Variants in CSMD1 observed in about 807,000 individuals in gnomAD.
CSMD1 encodes CUB and sushi domain-containing protein 1.
A neutral mutation model predicts 417.5 loss-of-function variants in CSMD1; 213 were observed. That is an observed-to-expected ratio of 0.51 (90% CI 0.46 to 0.57). CSMD1 has a LOEUF of 0.57. CSMD1 is among the 20% of genes least tolerant of loss of function. The pLI, the probability that CSMD1 is intolerant of heterozygous loss-of-function variation, is 0.00. For synonymous variants in CSMD1, 2,862 were observed against 1,736.8 expected (o/e 1.65, Z -16.11); for missense variants, 6,923 against 4,529.7 (o/e 1.53, Z -15.17).
chr8:3,345,999 T>C (rs1046584001), intron 22 of CSMD1, among the ~76,000 whole-genome samples: 7 of 152,188 alleles, frequency 4.6e-5, no homozygotes, highest in Admixed American at 2.6e-4. Context: ...GGTGCGTGTA[T>C]ATAAAATTTT....
chr8:3,692,558 C>T (rs185555205), intron 7 of CSMD1, among the ~76,000 whole-genome samples: 16 of 152,236 alleles, frequency 1.1e-4, no homozygotes, highest in African/African-American at 3.9e-4. Context: ...CCTCAGCCTC[C>T]CGAGCATCTG....
intron 2 of CSMD1, among the ~76,000 whole-genome samples, chr8:4,463,024 A>G (rs1233044525): frequency 2.6e-5 from 4 of 152,230 alleles, no homozygotes; most frequent in Non-Finnish European, 4.4e-5. Flanking sequence ...TAGAATAGGG[A>G]AAGTTTGCAA....
At chr8:3,212,727 G>A (rs1797685423) in intron 30 of CSMD1, among the ~76,000 whole-genome samples, 1 of 152,048 alleles carries the variant, frequency 6.6e-6, no homozygotes, top group South Asian at 2.1e-4. Flanking sequence ...AAGGTTTCAG[G>A]ATCATAAGAG....
At chr8:3,376,391 C>A (rs577713382) in intron 18 of CSMD1, among the ~76,000 whole-genome samples, 58 of 152,052 alleles carry the variant, frequency 3.8e-4, no homozygotes, top group African/African-American at 1.3e-3. Flanking sequence ...CATGGTGACA[C>A]AGACTTGTTT....
At chr8:3,900,482 G>C (rs372261248) in intron 5 of CSMD1, among the ~76,000 whole-genome samples, 1 of 151,586 alleles carries the variant, frequency 6.6e-6, no homozygotes, top group East Asian at 1.9e-4. Flanking sequence ...ACTGTACCTG[G>C]TTGACAGTGT....
At position 2,938,480 on chromosome 8, in the gene CSMD1, G is replaced by T; in HGVS notation, c.*105C>A. On this transcript the variant is annotated 3_prime_UTR_variant, in exon 70 of 70. Coordinates refer to ENST00000635120, the MANE Select transcript of CSMD1 (RefSeq NM_033225.6). ...CCAGTAGACAAGGTTGAAGATCGCT[G>T]CAGTAAAGCCAGAGTGGAAGGGAGA... 1 of 1,109,444 alleles carries T rather than the reference G, an allele frequency of 9.0e-7. No homozygotes were observed. Among genetic ancestry groups the T allele is most frequent in the African/African-American group, 1.6e-5 (1 of 63,608 alleles). The allele number at this position is 1,109,444 out of a possible 1,614,324, so 68.7% of individuals were successfully genotyped here.
chr8:4,251,390 C>G (rs771600841), intron 3 of CSMD1, among the ~76,000 whole-genome samples: 2 of 152,106 alleles, frequency 1.3e-5, no homozygotes, highest in Admixed American at 6.6e-5. Context: ...CTTTGATGTC[C>G]TCCTATAAAG....
rs374407589 is a variant in CSMD1 at position 3,896,097 on chromosome 8, C to T, written c.818+101806G>A. Among the ~76,000 whole-genome samples, 13 of 152,296 alleles carry T rather than the reference C, an allele frequency of 8.5e-5. No homozygotes were observed. In the South Asian group the frequency reaches 1.7e-3, roughly 19 times the overall value. ...TTTCCATTTACACCTCTGATGGTAA[C>T]TTCCTGATGGGCCCATTCTTGGGGC... is the stretch of plus-strand genomic sequence containing the variant. On this transcript the variant is annotated intron_variant, in intron 5 of 69. Transcript: ENST00000635120.
intron 3 of CSMD1, among the ~76,000 whole-genome samples, chr8:4,283,048 TG>T (rs1356585737): frequency 2.0e-5 from 3 of 152,202 alleles, no homozygotes; most frequent in Non-Finnish European, 4.4e-5. Context: ...AAAAAATGCC[TG>T]ATAGTTAGAA....
In CSMD1 at chr8:4,018,187, T is replaced by G. The variant is rs185082629; in HGVS notation, c.610+13718A>C. Among the ~76,000 whole-genome samples the G allele has an allele frequency of 4.4e-3, 664 of 152,334 alleles. 9 individuals carry two copies. Among genetic ancestry groups the G allele is most frequent in the African/African-American group, 0.015 (641 of 41,566 alleles). ...TTTATAAAAAATAAATACACATCTTTTACATAATTTAAAAATATTTTCCAG... is the reference window on the plus strand; with the variant it reads ...TTTATAAAAAATAAATACACATCTTGTACATAATTTAAAAATATTTTCCAG... On this transcript the variant is annotated intron_variant, in intron 4 of 69. Coordinates refer to ENST00000635120, the MANE Select transcript of CSMD1 (RefSeq NM_033225.6).
chr8:4,785,039 T>A (rs1362606288), intron 1 of CSMD1, among the ~76,000 whole-genome samples: 1 of 152,194 alleles, frequency 6.6e-6, no homozygotes, highest in Non-Finnish European at 1.5e-5. Flanking sequence ...GGCACTGAAT[T>A]ATTAGAAGTG....
In CSMD1 at chr8:4,233,989, G is replaced by C. The variant is rs1801894615; in HGVS notation, c.415+185964C>G. Among the ~76,000 whole-genome samples, 3 of 152,060 alleles carry C rather than the reference G, an allele frequency of 2.0e-5. No homozygotes were observed. The South Asian group carries it at 6.2e-4, about 31-fold the overall frequency. On this transcript the variant is annotated intron_variant, in intron 3 of 69. Transcript: ENST00000635120. ...AAAACGGCGGGGGGTGGGGGAACAT[G>C]TGATCCCTTCTGCCTGAGAGGTTCT... is the stretch of plus-strand genomic sequence containing the variant.
At position 4,691,648 on chromosome 8, in the gene CSMD1, G is replaced by A. The variant is rs182449445; in HGVS notation, c.86-54090C>T. ...CACTCCATCTATGCCTGTCATGTCT[G>A]CCTTGATGGAGTGAAAGGAACATCT... On this transcript the variant is annotated intron_variant, in intron 1 of 69. Coordinates refer to ENST00000635120, the MANE Select transcript of CSMD1 (RefSeq NM_033225.6). Among the ~76,000 whole-genome samples, 861 of 152,270 alleles carry A rather than the reference G, an allele frequency of 5.7e-3. 6 individuals are homozygous for A. The highest frequency in any genetic ancestry group is 0.027 in the Middle Eastern group (8 of 294).
intron 10 of CSMD1, among the ~76,000 whole-genome samples, chr8:3,511,805 AAC>A (rs1797083113): frequency 6.9e-6 from 1 of 145,366 alleles, no homozygotes; most frequent in Non-Finnish European, 1.5e-5. Context: ...AACATAACAT[AAC>A]ATAACATAAC....
rs146778543 is a variant in CSMD1 at position 3,043,101 on chromosome 8, T to A, written c.7660+9361A>T. 5.8e-3 allele frequency among the ~76,000 whole-genome samples: 836 copies of A among 144,788 alleles called. 5 individuals are homozygous for A. The highest frequency in any genetic ancestry group is 0.022 in the African/African-American group (791 of 35,352). The allele number at this position is 144,788 out of a possible 152,430, so 95.0% of individuals were successfully genotyped here. On this transcript the variant is annotated intron_variant, in intron 50 of 69. Coordinates refer to ENST00000635120, the MANE Select transcript of CSMD1 (RefSeq NM_033225.6). ...TATAGTACATGTAAACCTACAGTAC[T>A]AGGTCACTATGGTGATATATATATA...
chr8:3,564,344 T>G (rs545603725), intron 10 of CSMD1, among the ~76,000 whole-genome samples: 6 of 151,830 alleles, frequency 4.0e-5, no homozygotes, highest in Admixed American at 3.3e-4. Flanking sequence ...TTTGTCGTCC[T>G]CAGTGTCCAT....
At chr8:4,199,866 C>G (rs1481301753) in intron 3 of CSMD1, among the ~76,000 whole-genome samples, 1 of 152,034 alleles carries the variant, frequency 6.6e-6, no homozygotes, top group Non-Finnish European at 1.5e-5. Context: ...AAGGGCTTAC[C>G]ATGACAATAT....
intron 33 of CSMD1, among the ~76,000 whole-genome samples, chr8:3,193,151 C>G (rs1489097962): frequency 6.6e-6 from 1 of 152,120 alleles, no homozygotes; most frequent in Non-Finnish European, 1.5e-5. Context: ...GCTATGCAAA[C>G]ATATTTGTAC....
chr8:3,185,927 G>T (rs563849778), intron 36 of CSMD1, among the ~76,000 whole-genome samples: 2 of 152,026 alleles, frequency 1.3e-5, no homozygotes, highest in East Asian at 3.9e-4. Flanking sequence ...CATGGCTCCC[G>T]TGACTTGAAG....
Sources: gnomAD v4.1 joint callset for allele counts (sites outside exome capture counted in the v4.1 genomes callset) on GRCh38, gnomAD v4.1.1 for gene constraint, MANE v1.5 for transcripts, NCBI Gene and HGNC (gene_info 2026-07-23, HGNC 2026-07-21) for gene names.